AFF2: variants seen among roughly 807,000 people sequenced by gnomAD.
The protein encoded by AFF2 is ALF transcription elongation factor 2.
In AFF2, 14 loss-of-function variants were observed where a neutral mutation model predicts 76.9. That is an observed-to-expected ratio of 0.18 (90% CI 0.12 to 0.28). AFF2 has a LOEUF of 0.28. AFF2 is among the 10% of genes least tolerant of loss of function. The probability of loss-of-function intolerance (pLI) is 1.00; values close to 1 mark genes in which losing one functional copy is unlikely to be tolerated. For synonymous variants in AFF2, 398 were observed against 366.7 expected (o/e 1.09, Z -0.98); for missense variants, 868 against 1,001.1 (o/e 0.87, Z 1.79).
intron 3 of AFF2, among the ~76,000 whole-genome samples, chrX:148,702,465 C>G (rs1557261960): frequency 9.0e-6 from 1 of 111,496 alleles, no homozygotes; most frequent in Non-Finnish European, 1.9e-5. Context: ...TAAATGCCAC[C>G]ATACCGAGCC....
At chrX:148,723,526 G>T (rs1475760727) in intron 3 of AFF2, among the ~76,000 whole-genome samples, 2 of 111,714 alleles carry the variant, frequency 1.8e-5, no homozygotes, top group Non-Finnish European at 3.8e-5. Context: ...AATAACTTCA[G>T]TAGACAATCA....
chrX:148,877,948 T>C (rs1254683764), intron 7 of AFF2, among the ~76,000 whole-genome samples: 1 of 112,085 alleles, frequency 8.9e-6, no homozygotes, highest in Non-Finnish European at 1.9e-5. Context: ...AGATGAGTAA[T>C]GAAGTACCCT....
At chrX:148,902,881 G>C (rs1388397431) in intron 8 of AFF2, among the ~76,000 whole-genome samples, 1 of 111,453 alleles carries the variant, frequency 9.0e-6, no homozygotes, top group Admixed American at 9.5e-5. Flanking sequence ...TCTAGAAACA[G>C]AACCTGAGAC....
At chrX:148,793,201 G>C (rs901461361) in intron 3 of AFF2, among the ~76,000 whole-genome samples, 1 of 94,038 alleles carries the variant, frequency 1.1e-5, no homozygotes, top group Non-Finnish European at 2.1e-5. Context: ...AACATACCTG[G>C]CACTAGGCAA....
At chrX:148,951,169 A>G (rs1603346673) in intron 9 of AFF2, among the ~76,000 whole-genome samples, 1 of 19,665 alleles carries the variant, frequency 5.1e-5, no homozygotes, top group East Asian at 1.6e-3. Context: ...ATACACGCAC[A>G]CACACACACA....
rs782419500 is a variant in AFF2 at position 148,997,987 on chromosome X, A to G, written c.*6655A>G. On this transcript the variant is annotated 3_prime_UTR_variant, in exon 21 of 21. Transcript: ENST00000370460. ...GAGATAAAATCCCTCACATTTACTCAATATAACAAATTACTGTTTCTACTC... is the reference window on the plus strand; with the variant it reads ...GAGATAAAATCCCTCACATTTACTCGATATAACAAATTACTGTTTCTACTC... 20 of 112,706 alleles carry G rather than the reference A, an allele frequency of 1.8e-4. No individual in the cohort carries two copies. Among genetic ancestry groups the G allele is most frequent in the African/African-American group, 6.4e-4 (20 of 31,078 alleles). 9.3% of individuals were successfully genotyped at this position (112,706 alleles called of 1,213,427 possible).
At chrX:148,886,733 G>A (rs1379149422) in intron 8 of AFF2, among the ~76,000 whole-genome samples, 1 of 112,236 alleles carries the variant, frequency 8.9e-6, no homozygotes, top group East Asian at 2.8e-4. Flanking sequence ...TTCTGGGTGT[G>A]CTTATCACCT....
At chrX:148,508,700 T>C (rs2052451302) in intron 1 of AFF2, among the ~76,000 whole-genome samples, 1 of 112,256 alleles carries the variant, frequency 8.9e-6, no homozygotes, top group Non-Finnish European at 1.9e-5. Flanking sequence ...ACTGATTGTT[T>C]TCATGCCAGG....
chrX:148,566,525 T>C (rs2053173235), intron 1 of AFF2, among the ~76,000 whole-genome samples: 1 of 111,210 alleles, frequency 9.0e-6, no homozygotes, highest in African/African-American at 3.3e-5. Context: ...AATGCAGCAA[T>C]TCAGTGACAG....
intron 7 of AFF2, among the ~76,000 whole-genome samples, chrX:148,843,645 A>G (rs1439857836): frequency 9.0e-6 from 1 of 111,643 alleles, no homozygotes; most frequent in Non-Finnish European, 1.9e-5. Flanking sequence ...TATAAACAAC[A>G]TGGCTTATAA....
chrX:148,899,555 A>T (rs1557280670), intron 8 of AFF2, among the ~76,000 whole-genome samples: 2 of 112,196 alleles, frequency 1.8e-5, no homozygotes, highest in African/African-American at 3.2e-5. Context: ...GTCTTTTTCC[A>T]TGTTGTTGAA....
chrX:148,577,551 C>T (rs1407103290), intron 1 of AFF2, among the ~76,000 whole-genome samples: 2 of 111,963 alleles, frequency 1.8e-5, no homozygotes, highest in Non-Finnish European at 3.8e-5. Context: ...TAACAAATAA[C>T]AGAAGAGTAA....
rs1233584849 is a variant in AFF2, at chrX:148,919,838, C to T, written c.1397+15580C>T. On this transcript the variant is annotated intron_variant, in intron 9 of 20. Transcript: ENST00000370460. ...ATTCAGAAAGACCATATAAGACTCT[C>T]ACTGTGAATAGTTCTCATTGTGCCA... 2.7e-5 allele frequency among the ~76,000 whole-genome samples: 3 copies of T among 112,140 alleles called. No homozygotes were observed. The Admixed American group carries it at 2.8e-4, about 11-fold the overall frequency.
At chrX:148,843,553 T>A (rs1164059401) in intron 7 of AFF2, 120 bp downstream of exon 7, 1 of 580,187 alleles carries the variant, frequency 1.7e-6, no homozygotes, top group African/African-American at 2.3e-5. Context: ...CCTTGACTCA[T>A]AATAATATGT....
intron 7 of AFF2, among the ~76,000 whole-genome samples, chrX:148,884,299 T>A (rs2071131281): frequency 8.9e-6 from 1 of 112,248 alleles, no homozygotes; most frequent in African/African-American, 3.2e-5. Context: ...TTTATATCAG[T>A]CTTTGGTTTG....
At chrX:148,701,038 G>GAA (rs1557261838) in intron 3 of AFF2, among the ~76,000 whole-genome samples, 2 of 109,743 alleles carry the variant, frequency 1.8e-5, no homozygotes, top group East Asian at 2.9e-4. Flanking sequence ...GTGTGTGTGT[G>GAA]TGTGTGTGTG....
intron 3 of AFF2, among the ~76,000 whole-genome samples, chrX:148,713,719 A>G (rs2054995630): frequency 9.0e-6 from 1 of 111,667 alleles, no homozygotes; most frequent in Non-Finnish European, 1.9e-5. Flanking sequence ...TCCAAAAATC[A>G]ATGTGAGGTA....
chrX:148,850,332 A>T (rs782615319), intron 7 of AFF2, among the ~76,000 whole-genome samples: 72 of 112,130 alleles, frequency 6.4e-4, no homozygotes, highest in African/African-American at 2.3e-3. Flanking sequence ...CCTCATGGTG[A>T]AATAATTTTC....
chrX:148,564,092 C>A (rs1340838991), intron 1 of AFF2, among the ~76,000 whole-genome samples: 1 of 111,832 alleles, frequency 8.9e-6, no homozygotes, highest in Admixed American at 9.4e-5. Context: ...TATGATAGAA[C>A]AAAACAACAG....
Sources: allele counts gnomAD v4.1 joint callset (sites outside exome capture counted in the v4.1 genomes callset), GRCh38; gene constraint gnomAD v4.1.1; transcripts MANE v1.5; gene names NCBI Gene and HGNC (gene_info 2026-07-23, HGNC 2026-07-21).